The following TNKS variants were observed in gnomAD, a reference collection of about 807,000 sequenced individuals.
The protein encoded by TNKS is poly [ADP-ribose] polymerase tankyrase-1.
In TNKS, 72 loss-of-function variants were observed where a neutral mutation model predicts 135.8. The ratio of observed to expected loss-of-function variants is 0.53; its 90% confidence interval spans 0.44 to 0.64. The LOEUF is 0.64. Among genes scored for constraint, TNKS ranks in the 30% least tolerant of loss-of-function variants. The pLI is 0.00. For synonymous variants in TNKS, 849 were observed against 649.3 expected (o/e 1.31, Z -4.68); for missense variants, 1,769 against 1,674.0 (o/e 1.06, Z -0.99).
chr8:9,567,019 A>T (rs1797571474), intron 1 of TNKS, among the ~76,000 whole-genome samples: 4 of 152,240 alleles, frequency 2.6e-5, no homozygotes, highest in Admixed American at 2.6e-4. Context: ...TGTGCTACTC[A>T]AATGGAAAGT....
At chr8:9,767,823 G>T (rs1270074313) in intron 25 of TNKS, among the ~76,000 whole-genome samples, 1 of 151,994 alleles carries the variant, frequency 6.6e-6, no homozygotes, top group Non-Finnish European at 1.5e-5. Context: ...GCCGGGCGTG[G>T]TGGCAGGCGC....
chr8:9,586,462 A>G (rs1798382040), intron 2 of TNKS, among the ~76,000 whole-genome samples: 1 of 152,102 alleles, frequency 6.6e-6, no homozygotes, highest in Non-Finnish European at 1.5e-5. Flanking sequence ...TCCTTGTTAT[A>G]AAATTATATT....
At chr8:9,623,563 C>G (rs552008821) in intron 3 of TNKS, among the ~76,000 whole-genome samples, 3 of 151,630 alleles carry the variant, frequency 2.0e-5, no homozygotes, top group African/African-American at 7.3e-5. Context: ...GAAATGCTAA[C>G]GAAGTGAGCA....
rs114331256 is a variant in TNKS at position 9,615,092 on chromosome 8, A to G, written c.899-490A>G. Reference sequence around the variant, plus strand: ...TTAAACTTCTTGGAAGCCATCCAGTATGTTATGGTGAGTTTCATGTGCAAG... The same window carrying G: ...TTAAACTTCTTGGAAGCCATCCAGTGTGTTATGGTGAGTTTCATGTGCAAG... On this transcript the variant is annotated intron_variant, in intron 2 of 26. Coordinates refer to ENST00000310430, the MANE Select transcript of TNKS (RefSeq NM_003747.3). Among the ~76,000 whole-genome samples, 294 of 152,248 alleles carry G rather than the reference A, an allele frequency of 1.9e-3. 1 individual carries two copies. Among genetic ancestry groups the G allele is most frequent in the African/African-American group, 6.7e-3 (278 of 41,564 alleles).
chr8:9,629,544 C>G (rs1316106088), intron 3 of TNKS, among the ~76,000 whole-genome samples: 1 of 152,210 alleles, frequency 6.6e-6, no homozygotes, highest in Non-Finnish European at 1.5e-5. Context: ...ATAGTTGCCT[C>G]CTTGCTGTTA....
chr8:9,588,588 T>A (rs1004476871), intron 2 of TNKS, among the ~76,000 whole-genome samples: 32 of 152,230 alleles, frequency 2.1e-4, no homozygotes, highest in African/African-American at 7.7e-4. Flanking sequence ...AAATTGTTTC[T>A]TTTATCTAAA....
At chr8:9,714,596 C>T (rs1804511370) in intron 11 of TNKS, among the ~76,000 whole-genome samples, 1 of 152,074 alleles carries the variant, frequency 6.6e-6, no homozygotes, top group Admixed American at 6.6e-5. Flanking sequence ...GTGGAAAATA[C>T]CAGTTTGAAA....
chr8:9,768,476 T>C (rs2088652712), intron 25 of TNKS, among the ~76,000 whole-genome samples: 1 of 152,260 alleles, frequency 6.6e-6, no homozygotes, highest in Non-Finnish European at 1.5e-5. Flanking sequence ...CCAGGGCTAA[T>C]TGGTAACCCT....
intron 3 of TNKS, among the ~76,000 whole-genome samples, chr8:9,666,151 T>C (rs1801976927): frequency 6.6e-6 from 1 of 152,210 alleles, no homozygotes; most frequent in African/African-American, 2.4e-5. Context: ...CATGATGGTT[T>C]TAGATGTGCA....
Position 9,761,545 on chromosome 8 carries a change from T to C in TNKS, c.3183T>C (p.Gly1061=). ...QITLDVLADM[G]HEELKEIGIN... ...CACTAGATGTGTTGGCTGATATGGGTCATGAAGAGTTGAAAGAAATAGGCA... is the reference window on the plus strand; with the variant it reads ...CACTAGATGTGTTGGCTGATATGGGCCATGAAGAGTTGAAAGAAATAGGCA... Residue 1061 remains glycine (G), a synonymous_variant, in exon 21 of 27, where the codon GGT becomes GGC. Coordinates refer to ENST00000310430, the MANE Select transcript of TNKS (RefSeq NM_003747.3). The C allele has an allele frequency of 1.2e-6, 2 of 1,612,342 alleles. No homozygotes were observed. Among genetic ancestry groups the C allele is most frequent in the Non-Finnish European group, 1.7e-6 (2 of 1,179,656 alleles).
chr8:9,696,967 G>C (rs1311404153), intron 5 of TNKS, among the ~76,000 whole-genome samples: 1 of 152,022 alleles, frequency 6.6e-6, no homozygotes, highest in Admixed American at 6.6e-5. Context: ...AAATCATATG[G>C]AACCAAAGAA....
chr8:9,657,605 A>C (rs1801457045), intron 3 of TNKS, among the ~76,000 whole-genome samples: 1 of 79,044 alleles, frequency 1.3e-5, no homozygotes, highest in African/African-American at 4.9e-5. Context: ...CGGAGGGCTG[A>C]CCCCCCTACC....
chr8:9,744,124 A>G (rs900656649), intron 17 of TNKS, among the ~76,000 whole-genome samples: 1 of 152,200 alleles, frequency 6.6e-6, no homozygotes, highest in Non-Finnish European at 1.5e-5. Context: ...TTATTTAAGA[A>G]GCATCAATAA....
intron 2 of TNKS, among the ~76,000 whole-genome samples, chr8:9,592,696 C>T (rs1798631235): frequency 6.6e-6 from 1 of 152,238 alleles, no homozygotes; most frequent in African/African-American, 2.4e-5. Context: ...ATTCAAGAAA[C>T]GTGTGTGAAG....
At chr8:9,774,277 G>A (rs1808104046) in intron 26 of TNKS, among the ~76,000 whole-genome samples, 1 of 152,132 alleles carries the variant, frequency 6.6e-6, no homozygotes, top group Non-Finnish European at 1.5e-5. Flanking sequence ...ACTTAACCTG[G>A]AAAAGAAAAG....
At chr8:9,657,021 T>C (rs1317411588) in intron 3 of TNKS, among the ~76,000 whole-genome samples, 9 of 123,668 alleles carry the variant, frequency 7.3e-5, no homozygotes, top group Non-Finnish European at 1.0e-4. Context: ...TGTCTACTTC[T>C]TTCTACACAG....
chr8:9,762,702 A>G (rs1807208665), intron 21 of TNKS, among the ~76,000 whole-genome samples: 1 of 152,156 alleles, frequency 6.6e-6, no homozygotes, highest in South Asian at 2.1e-4. Flanking sequence ...GGAGATTGAG[A>G]CTATCCTGGC....
chr8:9,706,735 GAAATA>G, intron 7 of TNKS, 71 bp from the exon 8 acceptor site: 1 of 1,381,478 alleles, frequency 7.2e-7, no homozygotes, highest in Non-Finnish European at 9.9e-7. Context: ...AATTTACAAA[GAAATA>G]AATGTCTTTT....
chr8:9,770,900 C>T (rs1210655394), intron 26 of TNKS, among the ~76,000 whole-genome samples: 7 of 151,998 alleles, frequency 4.6e-5, no homozygotes, highest in African/African-American at 1.7e-4. Context: ...GGATTGAGCA[C>T]ATGAGCGGAT....
Sources: gnomAD v4.1 joint callset for allele counts (sites outside exome capture counted in the v4.1 genomes callset) on GRCh38, gnomAD v4.1.1 for gene constraint, MANE v1.5 for transcripts, NCBI Gene and HGNC (gene_info 2026-07-23, HGNC 2026-07-21) for gene names.